SIPA1L1: variants seen among roughly 807,000 people sequenced by gnomAD.
SIPA1L1 encodes signal-induced proliferation-associated 1-like protein 1.
In SIPA1L1, 26 loss-of-function variants were observed where a neutral mutation model predicts 162.7. The observed-to-expected ratio is 0.16, with a 90% CI of 0.12 to 0.22. The LOEUF is 0.22. SIPA1L1 is among the 10% of genes least tolerant of loss of function. SIPA1L1 has a pLI of 1.00. For missense variants in SIPA1L1, 1,874 were observed against 2,241.0 expected (o/e 0.84, Z 3.31); for synonymous variants, 829 against 837.4 (o/e 0.99, Z 0.17).
intron 10 of SIPA1L1, among the ~76,000 whole-genome samples, chr14:71,666,292 ACT>A (rs1222340673): frequency 2.0e-4 from 31 of 152,328 alleles, no homozygotes; most frequent in African/African-American, 7.2e-4. Flanking sequence ...ACCCTGAATA[ACT>A]CTGCAGACAC....
chr14:71,388,331 T>G (rs1331059669), intron 2 of SIPA1L1, among the ~76,000 whole-genome samples: 1 of 152,220 alleles, frequency 6.6e-6, no homozygotes, highest in Non-Finnish European at 1.5e-5. Flanking sequence ...TACAAAGAAG[T>G]TAAGTCTAAT....
intron 2 of SIPA1L1, among the ~76,000 whole-genome samples, chr14:71,488,283 G>A (rs1180350150): frequency 6.6e-6 from 1 of 152,020 alleles, no homozygotes; most frequent in Non-Finnish European, 1.5e-5. Flanking sequence ...GGAGTTTACT[G>A]AATTACTATT....
intron 4 of SIPA1L1, among the ~76,000 whole-genome samples, chr14:71,536,099 A>T (rs1648008056): frequency 6.7e-6 from 1 of 149,564 alleles, no homozygotes. Context: ...ACATTCTCTC[A>T]TCCTTCAATT....
chr14:71,661,207 C>T lies in SIPA1L1; in HGVS notation c.2098-103C>T, dbSNP rs532017255. The T allele has an allele frequency of 2.1e-5, 25 of 1,195,084 alleles. No homozygotes were observed. In the African/African-American group the frequency reaches 2.3e-4, roughly 11 times the overall value. 74.0% of individuals were successfully genotyped at this position (1,195,084 alleles called of 1,614,324 possible). ...TGTAGATTACCTACCTTCATGTGTA[C>T]TGATTAGGAATGGATGTTTTAAATA... On this transcript the variant is annotated intron_variant, in intron 9 of 23. Coordinates refer to ENST00000381232, the MANE Select transcript of SIPA1L1 (RefSeq NM_001386936.1).
chr14:71,461,176 C>T (rs1353368593), intron 2 of SIPA1L1, among the ~76,000 whole-genome samples: 6 of 152,142 alleles, frequency 3.9e-5, no homozygotes, highest in East Asian at 1.9e-4. Context: ...CTGCCCTTTC[C>T]GTGATGGAAG....
intron 3 of SIPA1L1, chr14:71,528,819 A>C (rs903826010): frequency 6.6e-6 from 1 of 152,150 alleles, no homozygotes; most frequent in Non-Finnish European, 1.5e-5. Flanking sequence ...AAATATTATA[A>C]TACTACAGAC....
intron 17 of SIPA1L1, 37 bp downstream of exon 17, chr14:71,709,701 G>A: frequency 1.3e-6 from 2 of 1,569,564 alleles, no homozygotes; most frequent in East Asian, 2.2e-5. Context: ...TCCCAGCCCA[G>A]ACCTAAGCCC....
At chr14:71,674,579 T>TG (rs1195604457) in intron 12 of SIPA1L1, among the ~76,000 whole-genome samples, 1 of 150,584 alleles carries the variant, frequency 6.6e-6, no homozygotes, top group African/African-American at 2.4e-5. Flanking sequence ...TGTTTTTTTT[T>TG]TTTTAGACGG....
intron 2 of SIPA1L1, among the ~76,000 whole-genome samples, chr14:71,485,567 C>T (rs1220341205): frequency 6.6e-6 from 1 of 152,026 alleles, no homozygotes; most frequent in Admixed American, 6.6e-5. Context: ...CCATCACCCC[C>T]AGATGGGACC....
At chr14:71,548,479 G>T (rs1045883698) in intron 4 of SIPA1L1, among the ~76,000 whole-genome samples, 7 of 152,092 alleles carry the variant, frequency 4.6e-5, no homozygotes, top group Admixed American at 2.0e-4. Flanking sequence ...GAAATGTTAC[G>T]TGTGCCTTAA....
intron 1 of SIPA1L1, among the ~76,000 whole-genome samples, chr14:71,320,790 C>G (rs892715693): frequency 6.6e-6 from 1 of 151,732 alleles, no homozygotes; most frequent in Non-Finnish European, 1.5e-5. Flanking sequence ...CCCCTCAGTT[C>G]TTTCTGCTGG....
chr14:71,551,886 A>G (rs1248993022), intron 4 of SIPA1L1, among the ~76,000 whole-genome samples: 3 of 152,132 alleles, frequency 2.0e-5, no homozygotes, highest in Admixed American at 6.6e-5. Context: ...ACATTTAGTC[A>G]TCTTATCTTA....
At chr14:71,561,909 T>A (rs2056827592) in intron 4 of SIPA1L1, among the ~76,000 whole-genome samples, 1 of 152,054 alleles carries the variant, frequency 6.6e-6, no homozygotes, top group African/African-American at 2.4e-5. Flanking sequence ...TTCCTACTTA[T>A]TTTTTTTCCT....
At chr14:71,456,363 A>C (rs192234747) in intron 2 of SIPA1L1, among the ~76,000 whole-genome samples, 1 of 152,264 alleles carries the variant, frequency 6.6e-6, no homozygotes, top group Non-Finnish European at 1.5e-5. Flanking sequence ...TATTGATACA[A>C]GTATTCAACA....
chr14:71,371,975 A>G (rs1005097413), intron 2 of SIPA1L1, among the ~76,000 whole-genome samples: 1 of 152,176 alleles, frequency 6.6e-6, no homozygotes, highest in Admixed American at 6.5e-5. Flanking sequence ...CAAGTTTAAC[A>G]TGATTGCTGA....
At chr14:71,386,641 C>G (rs2141272096) in intron 2 of SIPA1L1, among the ~76,000 whole-genome samples, 1 of 152,340 alleles carries the variant, frequency 6.6e-6, no homozygotes, top group Middle Eastern at 3.4e-3. Flanking sequence ...AAAATGGTAA[C>G]ATTTCAAAGA....
At chr14:71,537,193 CTATT>C (rs1454071578) in intron 4 of SIPA1L1, among the ~76,000 whole-genome samples, 2 of 152,024 alleles carry the variant, frequency 1.3e-5, no homozygotes, top group African/African-American at 4.8e-5. Flanking sequence ...ATTAAGTTTA[CTATT>C]TCTTTTATTT....
chr14:71,629,097 C>G (rs2040321684), intron 7 of SIPA1L1, among the ~76,000 whole-genome samples: 1 of 152,000 alleles, frequency 6.6e-6, no homozygotes, highest in African/African-American at 2.4e-5. Context: ...GCCACCACGC[C>G]CAGCTAAATT....
At chr14:71,499,557 C>A (rs923065240) in intron 2 of SIPA1L1, among the ~76,000 whole-genome samples, 1 of 152,038 alleles carries the variant, frequency 6.6e-6, no homozygotes, top group Non-Finnish European at 1.5e-5. Flanking sequence ...ATGCAAATAT[C>A]ATATCTTAAA....
Sources: allele counts gnomAD v4.1 joint callset (sites outside exome capture counted in the v4.1 genomes callset), GRCh38; gene constraint gnomAD v4.1.1; transcripts MANE v1.5; gene names NCBI Gene and HGNC (gene_info 2026-07-23, HGNC 2026-07-21).